SEMA5A: variants seen among roughly 807,000 people sequenced by gnomAD.
SEMA5A encodes the protein semaphorin-5A.
In SEMA5A, 55 loss-of-function variants were observed where a neutral mutation model predicts 135.5. The observed-to-expected ratio is 0.41, with a 90% confidence interval of 0.33 to 0.51. The LOEUF is 0.51. Ranked by LOEUF, SEMA5A falls within the 20% of genes least tolerant of loss-of-function variation. SEMA5A has a pLI of 0.37. For missense variants in SEMA5A, 1,290 were observed against 1,419.9 expected (o/e 0.91, Z 1.47); for synonymous variants, 580 against 546.5 (o/e 1.06, Z -0.85).
At chr5:9,172,529 CT>C (rs34925419) in intron 11 of SEMA5A, among the ~76,000 whole-genome samples, 4 of 152,106 alleles carry the variant, frequency 2.6e-5, no homozygotes, top group African/African-American at 9.7e-5. Flanking sequence ...AAAATCATAA[CT>C]TTTTTAACTA....
At chr5:9,300,782 A>G (rs755880306) in intron 5 of SEMA5A, among the ~76,000 whole-genome samples, 17 of 152,186 alleles carry the variant, frequency 1.1e-4, no homozygotes, top group Non-Finnish European at 2.5e-4. Flanking sequence ...TTAGACACAT[A>G]GACACACAAA....
chr5:9,370,178 A>ACATAC (rs1755076407), intron 3 of SEMA5A, among the ~76,000 whole-genome samples: 2 of 152,216 alleles, frequency 1.3e-5, no homozygotes, highest in South Asian at 4.1e-4. Flanking sequence ...AGTGGCACAA[A>ACATAC]AAATCAAACA....
chr5:9,139,716 T>C (rs1405455589), intron 12 of SEMA5A, among the ~76,000 whole-genome samples: 1 of 152,216 alleles, frequency 6.6e-6, no homozygotes, highest in Admixed American at 6.5e-5. Flanking sequence ...GAGATATACA[T>C]GTTATAAGAT....
intron 22 of SEMA5A, 105 bp downstream of exon 22, chr5:9,044,268 T>C (rs1736119724): frequency 7.2e-6 from 7 of 968,764 alleles, no homozygotes; most frequent in African/African-American, 1.6e-5. Context: ...AGGGAGAAAA[T>C]TCAGTTTCAA....
intron 11 of SEMA5A, among the ~76,000 whole-genome samples, chr5:9,178,489 AC>A (rs1355437541): frequency 6.6e-6 from 1 of 150,958 alleles, no homozygotes; most frequent in Admixed American, 6.6e-5. Flanking sequence ...ATGCCCCCAC[AC>A]CCGGCTACTT....
chr5:9,174,425 A>G (rs910418156), intron 11 of SEMA5A, among the ~76,000 whole-genome samples: 2 of 152,132 alleles, frequency 1.3e-5, no homozygotes, highest in African/African-American at 2.4e-5. Context: ...GGCTTTTTTG[A>G]AAAGATGTGG....
intron 5 of SEMA5A, among the ~76,000 whole-genome samples, chr5:9,288,269 G>C (rs1422997187): frequency 2.0e-5 from 3 of 152,198 alleles, no homozygotes; most frequent in African/African-American, 7.2e-5. Flanking sequence ...GGCTACTAAG[G>C]GGCCCAAAGG....
At chr5:9,258,802 T>C (rs371997094) in intron 5 of SEMA5A, among the ~76,000 whole-genome samples, 2,966 of 116,054 alleles carry the variant, frequency 0.026, 25 homozygotes, top group Middle Eastern at 0.075. Context: ...CTTCTTTCTT[T>C]CTTTTTTTTT....
At chr5:9,303,986 A>G (rs1048153780) in intron 5 of SEMA5A, among the ~76,000 whole-genome samples, 3 of 152,188 alleles carry the variant, frequency 2.0e-5, no homozygotes, top group Non-Finnish European at 4.4e-5. Flanking sequence ...AACAAAATAG[A>G]CATGGAAAAT....
At chr5:9,492,362 G>A (rs1735063847) in intron 1 of SEMA5A, among the ~76,000 whole-genome samples, 1 of 152,146 alleles carries the variant, frequency 6.6e-6, no homozygotes, top group South Asian at 2.1e-4. Context: ...CACACAAATG[G>A]GAAAGCTAAT....
chr5:9,237,551 T>C (rs1747976331), intron 6 of SEMA5A, among the ~76,000 whole-genome samples: 1 of 152,202 alleles, frequency 6.6e-6, no homozygotes, highest in Non-Finnish European at 1.5e-5. Context: ...TCCAGCGCTA[T>C]CAATCAATTA....
At chr5:9,240,891 T>G (rs1444124307) in intron 5 of SEMA5A, among the ~76,000 whole-genome samples, 1 of 152,140 alleles carries the variant, frequency 6.6e-6, no homozygotes, top group South Asian at 2.1e-4. Flanking sequence ...TCAAAACAAG[T>G]GCTAAAGCAT....
At chr5:9,170,552 G>A (rs912204389) in intron 11 of SEMA5A, among the ~76,000 whole-genome samples, 1 of 152,080 alleles carries the variant, frequency 6.6e-6, no homozygotes, top group Non-Finnish European at 1.5e-5. Context: ...GGGGGCTTTG[G>A]GAAGTGATTA....
At chr5:9,176,279 T>C (rs1744201451) in intron 11 of SEMA5A, among the ~76,000 whole-genome samples, 1 of 152,138 alleles carries the variant, frequency 6.6e-6, no homozygotes, top group Non-Finnish European at 1.5e-5. Context: ...CAGGTGGTCT[T>C]AGGATGTGAA....
chr5:9,043,580 A>C (rs1306915744), intron 22 of SEMA5A, among the ~76,000 whole-genome samples: 3 of 152,192 alleles, frequency 2.0e-5, no homozygotes, highest in African/African-American at 7.2e-5. Flanking sequence ...AGTTTCAAAG[A>C]GCTTCAACTG....
At chr5:9,377,262 T>C (rs541526543) in intron 3 of SEMA5A, among the ~76,000 whole-genome samples, 6 of 152,308 alleles carry the variant, frequency 3.9e-5, no homozygotes, top group African/African-American at 1.2e-4. Context: ...TATATTTGTA[T>C]GTGTGTGTGT....
chr5:9,135,098 C>G (rs1207009513), intron 13 of SEMA5A, among the ~76,000 whole-genome samples: 2 of 151,878 alleles, frequency 1.3e-5, no homozygotes, highest in South Asian at 2.1e-4. Context: ...GATTCGGTGC[C>G]AACATTTGGG....
chr5:9,389,561 C>T (rs1365905607), intron 2 of SEMA5A, among the ~76,000 whole-genome samples: 1 of 152,154 alleles, frequency 6.6e-6, no homozygotes, highest in African/African-American at 2.4e-5. Context: ...TTCCCTCCTC[C>T]TCCATCTTAC....
chr5:9,538,347 T>C (rs1373243095), intron 1 of SEMA5A, among the ~76,000 whole-genome samples: 1 of 152,168 alleles, frequency 6.6e-6, no homozygotes, highest in African/African-American at 2.4e-5. Context: ...CTCTGCATTC[T>C]GCCACTGGGT....
Sources: gnomAD v4.1 joint callset for allele counts (sites outside exome capture counted in the v4.1 genomes callset) on GRCh38, gnomAD v4.1.1 for gene constraint, MANE v1.5 for transcripts, NCBI Gene and HGNC (gene_info 2026-07-23, HGNC 2026-07-21) for gene names.